Variants in CIRSR observed in about 807,000 individuals in gnomAD.
CIRSR encodes the protein CBF1 (RBPJ) interacting corepressor 1.
the CIRSR span, among the ~76,000 whole-genome samples, chr2:174,367,779 G>GA: frequency 9.4e-6 from 1 of 106,468 alleles, no homozygotes; most frequent in Non-Finnish European, 2.0e-5. Context: ...TATTTGAGTA[G>GA]ATAAAAAAAA....
At chr2:174,380,288 A>C in the CIRSR span, 1 of 1,453,164 alleles carries the variant, frequency 6.9e-7, no homozygotes, top group East Asian at 2.4e-5. Flanking sequence ...CAATATTAAG[A>C]ATAATTTAAA....
chr2:174,353,470 T>TTGTG, the CIRSR span, among the ~76,000 whole-genome samples: 75 of 151,700 alleles, frequency 4.9e-4, no homozygotes, highest in Middle Eastern at 0.01. Context: ...TAAGAGCTTT[T>TTGTG]TGTGTGTGTG....
At chr2:174,370,653 G>A in the CIRSR span, among the ~76,000 whole-genome samples, 9 of 152,150 alleles carry the variant, frequency 5.9e-5, no homozygotes, top group Admixed American at 2.6e-4. Context: ...CATGGCTCAC[G>A]CCTGTAATCC....
the CIRSR span, chr2:174,379,126 G>A: frequency 1.1e-6 from 1 of 932,264 alleles, no homozygotes; most frequent in South Asian, 1.4e-5. Flanking sequence ...TAGAATTTAA[G>A]CTAAATTACA....
At chr2:174,385,477 T>A in the CIRSR span, among the ~76,000 whole-genome samples, 1 of 152,136 alleles carries the variant, frequency 6.6e-6, no homozygotes, top group Non-Finnish European at 1.5e-5. Flanking sequence ...TTAGTAGCAA[T>A]GAACACACTT....
chr2:174,385,874 A>C, the CIRSR span, among the ~76,000 whole-genome samples: 1 of 152,222 alleles, frequency 6.6e-6, no homozygotes, highest in Non-Finnish European at 1.5e-5. Flanking sequence ...AATGATAGAA[A>C]TAGAAAATAA....
chr2:174,357,187 T>C, the CIRSR span, among the ~76,000 whole-genome samples: 1 of 152,212 alleles, frequency 6.6e-6, no homozygotes, highest in Non-Finnish European at 1.5e-5. Flanking sequence ...ATTGGGTAAT[T>C]TGTCCTGTAG....
the CIRSR span, among the ~76,000 whole-genome samples, chr2:174,382,617 C>G: frequency 6.6e-6 from 1 of 152,112 alleles, no homozygotes; most frequent in Admixed American, 6.5e-5. Context: ...CCAGCCTGGG[C>G]GACAGAGCCA....
chr2:174,369,659 T>A, the CIRSR span, among the ~76,000 whole-genome samples: 18 of 152,332 alleles, frequency 1.2e-4, no homozygotes, highest in African/African-American at 4.3e-4. Flanking sequence ...TGTATGGTTA[T>A]TAATTGCCTA....
the CIRSR span, among the ~76,000 whole-genome samples, chr2:174,350,924 G>T: frequency 6.6e-6 from 1 of 152,150 alleles, no homozygotes; most frequent in Non-Finnish European, 1.5e-5. Context: ...CTGCCGAAGT[G>T]GATCATACAG....
chr2:174,351,521 A>C, the CIRSR span: 2 of 907,226 alleles, frequency 2.2e-6, no homozygotes, highest in Non-Finnish European at 3.3e-6. Context: ...TTACTTTCCT[A>C]TGGATATATG....
the CIRSR span, among the ~76,000 whole-genome samples, chr2:174,358,927 G>A: frequency 4.0e-5 from 6 of 151,716 alleles, no homozygotes; most frequent in East Asian, 9.9e-4. Context: ...GGCCAGGCTG[G>A]TCTCGAACTC....
chr2:174,358,870 G>A, the CIRSR span, among the ~76,000 whole-genome samples: 4 of 151,968 alleles, frequency 2.6e-5, no homozygotes, highest in Non-Finnish European at 5.9e-5. Flanking sequence ...ACGCCACCAC[G>A]CCCAGCTAAT....
chr2:174,351,131 T>C, the CIRSR span, among the ~76,000 whole-genome samples: 1 of 152,230 alleles, frequency 6.6e-6, no homozygotes, highest in African/African-American at 2.4e-5. Flanking sequence ...TACAGGAATG[T>C]CAAAATATCC....
chr2:174,363,089 T>C, the CIRSR span, among the ~76,000 whole-genome samples: 237 of 152,236 alleles, frequency 1.6e-3, no homozygotes, highest in African/African-American at 5.3e-3. Flanking sequence ...AAATGCTAAC[T>C]CTCAAGGGCA....
chr2:174,354,245 TAG>T, the CIRSR span, among the ~76,000 whole-genome samples: 3 of 150,232 alleles, frequency 2.0e-5, no homozygotes, highest in African/African-American at 7.4e-5. Context: ...TGACTGTAAA[TAG>T]AGTGCTTAGT....
At chr2:174,354,441 ATATAT>A in the CIRSR span, among the ~76,000 whole-genome samples, 57,696 of 93,224 alleles carry the variant, frequency 0.62, 18,730 homozygotes, top group East Asian at 0.8. Context: ...GATATATATA[ATATAT>A]TATATAATAT....
At chr2:174,366,318 C>T in the CIRSR span, among the ~76,000 whole-genome samples, 5 of 152,050 alleles carry the variant, frequency 3.3e-5, no homozygotes, top group Admixed American at 1.3e-4. Flanking sequence ...CCAAAACTAA[C>T]GATATATACC....
chr2:174,375,616 C>A, the CIRSR span, among the ~76,000 whole-genome samples: 12 of 152,094 alleles, frequency 7.9e-5, no homozygotes, highest in South Asian at 6.2e-4. Context: ...TCAAAAAAAA[C>A]CAAAAAACAA....
Sources: allele counts gnomAD v4.1 joint callset (sites outside exome capture counted in the v4.1 genomes callset), GRCh38; gene constraint gnomAD v4.1.1; transcripts MANE v1.5; gene names NCBI Gene and HGNC (gene_info 2026-07-23, HGNC 2026-07-21).